The following SYN3 variants were observed in gnomAD, a reference collection of about 807,000 sequenced individuals.
SYN3 encodes synapsin III, also known as synapsin-3.
Under a neutral mutation model 65.8 loss-of-function variants are expected in SYN3, and 35 were observed. The observed-to-expected ratio is 0.53, with a 90% CI of 0.41 to 0.70. The LOEUF is 0.70. Among genes scored for constraint, SYN3 ranks in the 30% least tolerant of loss-of-function variants. SYN3 has a pLI of 0.00. For synonymous variants in SYN3, 270 were observed against 292.9 expected (o/e 0.92, Z 0.80); for missense variants, 680 against 749.0 (o/e 0.91, Z 1.08).
At chr22:32,525,738 T>A (rs1440145584) in intron 12 of SYN3, among the ~76,000 whole-genome samples, 1 of 151,262 alleles carries the variant, frequency 6.6e-6, no homozygotes, top group Non-Finnish European at 1.5e-5. Context: ...CTATGAAGAT[T>A]GATGAAAAGA....
At chr22:33,049,584 T>C (rs1364694239) in intron 1 of SYN3, among the ~76,000 whole-genome samples, 1 of 152,228 alleles carries the variant, frequency 6.6e-6, no homozygotes, top group Non-Finnish European at 1.5e-5. Context: ...TCCAAGCTAT[T>C]GATACCCGCC....
Position 32,518,200 on chromosome 22 carries a change from G to C in SYN3, c.1453C>G (p.Pro485Ala). Reference sequence around the variant, plus strand: ...CCACTGGATGCCCGGGATAGCTGCGGAGAGCCTGGTGACCTTTGCTGCTGT... The same window carrying C: ...CCACTGGATGCCCGGGATAGCTGCGCAGAGCCTGGTGACCTTTGCTGCTGT... ...SPQQQRSPGSPQLSRASSGSS... is the reference protein window; with the variant it reads ...SPQQQRSPGSAQLSRASSGSS... The change falls in exon 13 of 14, where the codon CCG (proline) becomes GCG (alanine). Residue 485 changes from proline to alanine, a missense_variant. Physicochemically the swap from Pro to Ala is conservative, Grantham distance 27. Transcript: ENST00000358763. 6.2e-7 allele frequency: 1 copy of C among 1,613,964 alleles called. No individual in the cohort carries two copies. The highest frequency in any genetic ancestry group is 8.5e-7 in the Non-Finnish European group (1 of 1,179,952).
At chr22:33,030,138 GGCAGTTGGAGGCAGCA>G (rs2053722659) in intron 1 of SYN3, among the ~76,000 whole-genome samples, 3 of 152,170 alleles carry the variant, frequency 2.0e-5, no homozygotes, top group Non-Finnish European at 1.5e-5. Flanking sequence ...CTGAGTTGGA[GGCAGTTGGAGGCAGCA>G]GCAGGCAGGG....
At chr22:32,839,712 G>T (rs528697142) in intron 6 of SYN3, among the ~76,000 whole-genome samples, 1 of 152,224 alleles carries the variant, frequency 6.6e-6, no homozygotes, top group African/African-American at 2.4e-5. Context: ...TAGAAGGAGC[G>T]ACTCTTAAAT....
intron 6 of SYN3, among the ~76,000 whole-genome samples, chr22:32,637,678 C>T (rs1269037690): frequency 7.1e-6 from 1 of 141,726 alleles, no homozygotes; most frequent in Non-Finnish European, 1.5e-5. Flanking sequence ...CATTCTGTCG[C>T]CCAGACTGGA....
At chr22:32,990,004 C>A (rs1245073555) in intron 2 of SYN3, among the ~76,000 whole-genome samples, 1 of 152,096 alleles carries the variant, frequency 6.6e-6, no homozygotes. Flanking sequence ...TCAGCAAACA[C>A]TTATTGAGCA....
chr22:32,889,429 AAC>A (rs1363003062), intron 4 of SYN3, among the ~76,000 whole-genome samples: 1 of 152,088 alleles, frequency 6.6e-6, no homozygotes, highest in African/African-American at 2.4e-5. Context: ...AAAAAAAAAA[AAC>A]AAAAAACCTT....
intron 6 of SYN3, among the ~76,000 whole-genome samples, chr22:32,622,301 G>A (rs988670): frequency 0.43 from 65,820 of 151,632 alleles, 15,831 homozygotes; most frequent in African/African-American, 0.65. Context: ...CAGTTGAAAA[G>A]AAAATTCTCA....
At chr22:32,576,308 C>G (rs1355156311) in intron 7 of SYN3, among the ~76,000 whole-genome samples, 1 of 152,128 alleles carries the variant, frequency 6.6e-6, no homozygotes, top group African/African-American at 2.4e-5. Flanking sequence ...CCCGTGCACA[C>G]CATAATGGAT....
intron 4 of SYN3, among the ~76,000 whole-genome samples, chr22:32,876,811 C>T (rs1031698450): frequency 1.3e-5 from 2 of 152,104 alleles, no homozygotes; most frequent in African/African-American, 4.8e-5. Context: ...GAGATGAAAA[C>T]CACTCATTTG....
intron 6 of SYN3, among the ~76,000 whole-genome samples, chr22:32,633,455 T>A (rs1406768448): frequency 6.6e-6 from 1 of 151,856 alleles, no homozygotes; most frequent in Non-Finnish European, 1.5e-5. Flanking sequence ...TGTGGAATAA[T>A]AAGGTAATAT....
intron 6 of SYN3, among the ~76,000 whole-genome samples, chr22:32,663,308 T>TCTC (rs60292980): frequency 1.9e-4 from 16 of 82,406 alleles, no homozygotes; most frequent in East Asian, 4.7e-3. Context: ...TTTTCTTCTC[T>TCTC]TTTTTTTTTT....
chr22:33,012,094 T>G (rs928045978), intron 1 of SYN3, among the ~76,000 whole-genome samples: 6 of 152,196 alleles, frequency 3.9e-5, no homozygotes, highest in African/African-American at 4.8e-5. Context: ...TAAGTTTAAT[T>G]TGCTATTCTG....
At chr22:32,597,204 C>CTTTTTTTTT (rs6147592) in intron 6 of SYN3, among the ~76,000 whole-genome samples, 1 of 87,372 alleles carries the variant, frequency 1.1e-5, no homozygotes, top group Admixed American at 1.7e-4. Context: ...ACATTATTCT[C>CTTTTTTTTT]TTTTTTTTTT....
At chr22:32,554,759 A>T (rs1436343037) in intron 7 of SYN3, among the ~76,000 whole-genome samples, 4 of 152,168 alleles carry the variant, frequency 2.6e-5, no homozygotes, top group Admixed American at 6.5e-5. Context: ...TGCTCTCGCC[A>T]TTGCTCCATC....
At chr22:32,820,673 C>A (rs1034327645) in intron 6 of SYN3, among the ~76,000 whole-genome samples, 1 of 152,052 alleles carries the variant, frequency 6.6e-6, no homozygotes, top group Non-Finnish European at 1.5e-5. Flanking sequence ...ATCACCAGGA[C>A]CTGATTACCC....
chr22:32,518,459 A>C (rs921139326), intron 12 of SYN3, 125 bp from the exon 13 acceptor site: 1 of 1,155,104 alleles, frequency 8.7e-7, no homozygotes, highest in Non-Finnish European at 1.3e-6. Flanking sequence ...AAAAACTGAA[A>C]ACCGTATAAA....
In SYN3 at chr22:32,518,311, G is replaced by C; in HGVS notation, c.1342C>G (p.Pro448Ala). 5 of 1,609,184 alleles carry C rather than the reference G, an allele frequency of 3.1e-6. No individual in the cohort carries two copies. In the South Asian group the frequency reaches 5.5e-5, roughly 18 times the overall value. ...PQGGPRQAQS[P>A]QPQRSGSPSQ... ...GGGCTTCCAGATCTCTGGGGCTGAG[G>C]AGACTGAGCTTGGCGAGGGCCTCCT... is the stretch of plus-strand genomic sequence containing the variant. The change falls in exon 13 of 14, where the codon CCT (proline) becomes GCT (alanine). Residue 448 changes from proline (P) to alanine (A), a missense_variant. Pro to Ala is a conservative substitution (Grantham distance 27). Coordinates refer to ENST00000358763, the MANE Select transcript of SYN3 (RefSeq NM_003490.4).
intron 9 of SYN3, among the ~76,000 whole-genome samples, chr22:32,536,369 G>T (rs1351854798): frequency 6.6e-6 from 1 of 152,236 alleles, no homozygotes; most frequent in Non-Finnish European, 1.5e-5. Context: ...GCCAGGGGCT[G>T]GTTCTGGATT....
Sources: allele counts gnomAD v4.1 joint callset (sites outside exome capture counted in the v4.1 genomes callset), GRCh38; gene constraint gnomAD v4.1.1; transcripts MANE v1.5; gene names NCBI Gene and HGNC (gene_info 2026-07-23, HGNC 2026-07-21).